NAMPT: variants seen among roughly 807,000 people sequenced by gnomAD.
NAMPT encodes the protein NAmPRTase.
A neutral mutation model predicts 58.7 loss-of-function variants in NAMPT; 7 were observed. The observed-to-expected ratio is 0.12, with a 90% CI of 0.07 to 0.22. The LOEUF is 0.22. Ranked by LOEUF, NAMPT falls within the 10% of genes least tolerant of loss-of-function variation. The pLI is 1.00. For missense variants in NAMPT, 271 were observed against 567.9 expected (o/e 0.48, Z 5.31); for synonymous variants, 145 against 198.1 (o/e 0.73, Z 2.25).
chr7:106,258,860 G>A (rs1586013780), intron 8 of NAMPT, among the ~76,000 whole-genome samples: 1 of 151,882 alleles, frequency 6.6e-6, no homozygotes, highest in East Asian at 1.9e-4. Context: ...AGGTTTTGGG[G>A]TGACTGTGGC....
At position 106,269,787 on chromosome 7, in the gene NAMPT, C is replaced by T. The variant is rs562393396; in HGVS notation, c.448-475G>A. ...AATAGGGCATGAACCAGCATTGGTC[C>T]GTGGACTGCATTTTGACTAGTATTG... On this transcript the variant is annotated intron_variant, in intron 4 of 10. Coordinates refer to ENST00000222553, the MANE Select transcript of NAMPT (RefSeq NM_005746.3). 3.3e-5 allele frequency among the ~76,000 whole-genome samples: 5 copies of T among 152,196 alleles called. No individual in the cohort carries two copies. In the East Asian group the frequency reaches 7.7e-4, roughly 24 times the overall value.
rs750979428 is a variant in NAMPT at position 106,268,461 on chromosome 7, T to C, written c.743+3A>G. 1.4e-5 allele frequency: 22 copies of C among 1,591,946 alleles called. No individual in the cohort carries two copies. The highest frequency in any genetic ancestry group is 1.8e-5 in the Non-Finnish European group (21 of 1,173,384). On this transcript the variant is annotated splice_donor_region_variant and intron_variant, in intron 6 of 10. Coordinates refer to ENST00000222553, the MANE Select transcript of NAMPT (RefSeq NM_005746.3). ...GTTTTAAAAAATGAACAGAATTTTT[T>C]ACCTGTGTTCTGCTGCTGGAACAGA...
chr7:106,277,359 GT>G (rs1792667068), intron 1 of NAMPT, among the ~76,000 whole-genome samples, 180 bp from the exon 2 acceptor site: 2 of 152,172 alleles, frequency 1.3e-5, no homozygotes, highest in African/African-American at 4.8e-5. Context: ...TCAGAGTTCA[GT>G]ATCTTAAAAC....
chr7:106,276,732 C>T (rs554576297), intron 2 of NAMPT: 453 of 304,172 alleles, frequency 1.5e-3, no homozygotes, highest in Non-Finnish European at 2.2e-3. Context: ...ATCCCATCTA[C>T]TCGGGAGGCA....
chr7:106,252,272 T>C (rs888167092), intron 10 of NAMPT, among the ~76,000 whole-genome samples: 4 of 152,110 alleles, frequency 2.6e-5, no homozygotes, highest in African/African-American at 9.7e-5. Context: ...ACTCAAATAA[T>C]TGCCTAACAG....
Position 106,267,861 on chromosome 7 carries a change from A to AC in NAMPT, c.743+602_743+603insG, listed in dbSNP as rs1477163552. 1.7e-3 allele frequency among the ~76,000 whole-genome samples: 235 copies of AC among 135,062 alleles called. 5 individuals carry two copies. The highest frequency in any genetic ancestry group is 5.8e-3 in the African/African-American group (220 of 38,018). The allele number at this position is 135,062 out of a possible 152,430, so 88.6% of individuals were successfully genotyped here. A position where few individuals can be genotyped will look rare whatever the true frequency, so the allele number is the denominator to read the frequency against. ...GTCTCAAAAAAAAAAAAAAAAAAAA[A>AC]AAAAAAAAAAAAAAACAACCTGATT... is the stretch of plus-strand genomic sequence containing the variant. On this transcript the variant is annotated intron_variant, in intron 6 of 10. Coordinates refer to ENST00000222553, the MANE Select transcript of NAMPT (RefSeq NM_005746.3).
rs1393499183 is a variant in NAMPT, at chr7:106,258,725, CTTAA to C, written c.1089+2859_1089+2862del. 4.6e-5 allele frequency among the ~76,000 whole-genome samples: 7 copies of C among 151,398 alleles called. No homozygotes were observed. In the South Asian group the frequency reaches 1.2e-3, roughly 27 times the overall value. On this transcript the variant is annotated intron_variant, in intron 8 of 10. Transcript: ENST00000222553. ...AGCATTATGTCTTAAAAATACATACCTTAATTAAAAATACTTCATTGCTAAATAA... is the reference window on the plus strand; with the variant it reads ...AGCATTATGTCTTAAAAATACATACCTTAAAAATACTTCATTGCTAAATAA...
chr7:106,270,942 C>A (rs896727418), intron 4 of NAMPT, among the ~76,000 whole-genome samples: 1 of 152,218 alleles, frequency 6.6e-6, no homozygotes, highest in African/African-American at 2.4e-5. Flanking sequence ...TTCTTAAACT[C>A]TATAACCAAT....
upstream of NAMPT, chr7:106,285,102 A>C (rs971543901): frequency 1.1e-4 from 144 of 1,347,196 alleles, no homozygotes; most frequent in African/African-American, 1.9e-3. Context: ...GCGTGCTCGC[A>C]GTCTGGGAGC....
In NAMPT at chr7:106,272,674, G is replaced by C; in HGVS notation, c.319-16C>G. 2 of 1,610,956 alleles carry C rather than the reference G, an allele frequency of 1.2e-6. No individual in the cohort carries two copies. The highest frequency in any genetic ancestry group is 1.7e-6 in the Non-Finnish European group (2 of 1,177,970). On this transcript the variant is annotated splice_polypyrimidine_tract_variant and intron_variant, in intron 3 of 10. Coordinates refer to ENST00000222553, the MANE Select transcript of NAMPT (RefSeq NM_005746.3). Reference sequence around the variant, plus strand: ...CATCATACTTCTGGCAGGATAAAATGATAAATTTATTTATTCAACAGATGA... The same window carrying C: ...CATCATACTTCTGGCAGGATAAAATCATAAATTTATTTATTCAACAGATGA...
chr7:106,254,879 G>C (rs1186177989), intron 8 of NAMPT, among the ~76,000 whole-genome samples: 1 of 152,146 alleles, frequency 6.6e-6, no homozygotes, highest in South Asian at 2.1e-4. Context: ...CAAGCAATGG[G>C]AGCCAATTTA....
At chr7:106,284,123 C>T (rs1562820923) in intron 1 of NAMPT, among the ~76,000 whole-genome samples, 3 of 152,148 alleles carry the variant, frequency 2.0e-5, no homozygotes, top group Admixed American at 1.3e-4. Flanking sequence ...CTGTAATGAC[C>T]CTAAAGCAGA....
chr7:106,257,560 G>A (rs1265385462), intron 8 of NAMPT, among the ~76,000 whole-genome samples: 1 of 151,782 alleles, frequency 6.6e-6, no homozygotes, highest in East Asian at 1.9e-4. Context: ...GACCCTGGGA[G>A]GTTGAGGCTG....
At chr7:106,271,425 T>C (rs1308159913) in intron 4 of NAMPT, among the ~76,000 whole-genome samples, 2 of 152,196 alleles carry the variant, frequency 1.3e-5, no homozygotes, top group African/African-American at 4.8e-5. Flanking sequence ...CAGAATGAAT[T>C]GCCAACTCTC....
chr7:106,274,704 A>AATTAGCCAGGTGTGG (rs1792600272), intron 3 of NAMPT, among the ~76,000 whole-genome samples: 1 of 152,012 alleles, frequency 6.6e-6, no homozygotes, highest in Non-Finnish European at 1.5e-5. Flanking sequence ...AAAATACAAA[A>AATTAGCCAGGTGTGG]ATTAGCCAGG....
chr7:106,280,011 T>C (rs1335493884), intron 1 of NAMPT, among the ~76,000 whole-genome samples: 13 of 152,116 alleles, frequency 8.5e-5, no homozygotes, highest in Admixed American at 7.9e-4. Flanking sequence ...AATGAGATCA[T>C]GTAAGGCTTA....
In NAMPT at chr7:106,284,927, CG is replaced by C; in HGVS notation, c.-44del. 6.4e-7 allele frequency: 1 copy of C among 1,563,650 alleles called. No individual in the cohort carries two copies. The highest frequency in any genetic ancestry group is 1.2e-5 in the South Asian group (1 of 85,326). On this transcript the variant is annotated 5_prime_UTR_variant, in exon 1 of 11. Transcript: ENST00000222553. ...GGGCCGCGCGCCGCGAGCTCCCTGG[CG>C]CGGCTGCGAGGAAGGAGAAAAATGA...
intron 10 of NAMPT, among the ~76,000 whole-genome samples, chr7:106,252,166 C>G (rs1792115267): frequency 6.6e-6 from 1 of 152,036 alleles, no homozygotes; most frequent in South Asian, 2.1e-4. Context: ...AAAAATCACA[C>G]TTAGATTTTT....
Position 106,275,043 on chromosome 7 carries a change from A to G in NAMPT, c.221T>C (p.Val74Ala). 1.3e-6 allele frequency: 2 copies of G among 1,592,698 alleles called. No individual in the cohort carries two copies. The highest frequency in any genetic ancestry group is 1.3e-5 in the African/African-American group (1 of 74,458). Residue 74 changes from valine to alanine, a missense_variant, in exon 3 of 11, where the codon GTA becomes GCA. By Grantham distance (64) the Val-to-Ala change is moderately conservative (BLOSUM62 0). This residue lies in a region of NAMPT where 103 missense variants were observed against 194.2 expected (regional missense o/e 0.53). Coordinates refer to ENST00000222553, the MANE Select transcript of NAMPT (RefSeq NM_005746.3). ...TTCCTGGATTTTCTCTTTGGTTACT[A>G]CTTTACCTAGAAGAATATACATGTC... The part of the protein sequence containing the change: ...YILNKYLKGK[V>A]VTKEKIQEAK...
Sources: gnomAD v4.1 joint callset for allele counts (sites outside exome capture counted in the v4.1 genomes callset) on GRCh38, gnomAD v4.1.1 for gene constraint, gnomAD v4.1.1 regional missense constraint, MANE v1.5 for transcripts, NCBI Gene and HGNC (gene_info 2026-07-23, HGNC 2026-07-21) for gene names.